Variants in NLGN1 observed in about 807,000 individuals in gnomAD.
NLGN1 encodes the protein neuroligin-1.
Under a neutral mutation model 65.5 loss-of-function variants are expected in NLGN1, and 12 were observed. The ratio of observed to expected loss-of-function variants is 0.18; its 90% CI spans 0.12 to 0.30. The LOEUF (loss-of-function observed/expected upper bound fraction) is 0.30, where lower values mean the gene tolerates loss of function less well. NLGN1 is among the 10% of genes least tolerant of loss of function. NLGN1 has a pLI of 1.00. For missense variants in NLGN1, 750 were observed against 1,007.1 expected (o/e 0.74, Z 3.46); for synonymous variants, 350 against 359.5 (o/e 0.97, Z 0.30).
At chr3:173,457,694 G>A (rs1301716931) in intron 2 of NLGN1, among the ~76,000 whole-genome samples, 1 of 152,116 alleles carries the variant, frequency 6.6e-6, no homozygotes, top group African/African-American at 2.4e-5. Flanking sequence ...AGAGATAATA[G>A]TGGCTTGGCC....
At chr3:174,125,326 T>C (rs1577003056) in intron 4 of NLGN1, among the ~76,000 whole-genome samples, 1 of 151,936 alleles carries the variant, frequency 6.6e-6, no homozygotes, top group South Asian at 2.1e-4. Context: ...AGATAAAAAG[T>C]TGAGGTTTGA....
intron 3 of NLGN1, among the ~76,000 whole-genome samples, chr3:173,717,245 T>C (rs1770014231): frequency 6.6e-6 from 1 of 152,218 alleles, no homozygotes; most frequent in South Asian, 2.1e-4. Flanking sequence ...AAAATGGTTG[T>C]GTTTTATTTA....
At chr3:173,616,738 A>G (rs898357624) in intron 3 of NLGN1, among the ~76,000 whole-genome samples, 1 of 152,084 alleles carries the variant, frequency 6.6e-6, no homozygotes, top group African/African-American at 2.4e-5. Flanking sequence ...TCTTGCCTCA[A>G]CCACTGTAAT....
At chr3:173,636,215 C>G (rs1756563588) in intron 3 of NLGN1, among the ~76,000 whole-genome samples, 1 of 151,966 alleles carries the variant, frequency 6.6e-6, no homozygotes, top group Non-Finnish European at 1.5e-5. Flanking sequence ...CCTCCTACCC[C>G]ACCGCTGCTG....
At chr3:174,198,844 C>T (rs200710954) in intron 4 of NLGN1, among the ~76,000 whole-genome samples, 247 of 99,728 alleles carry the variant, frequency 2.5e-3, no homozygotes, top group Middle Eastern at 8.5e-3. Flanking sequence ...TGACTAGATT[C>T]TTTTTTTTTT....
chr3:173,585,491 C>T (rs1007179461), intron 2 of NLGN1, among the ~76,000 whole-genome samples: 3 of 152,100 alleles, frequency 2.0e-5, no homozygotes, highest in Non-Finnish European at 4.4e-5. Flanking sequence ...CCACCCCTCT[C>T]TTCCTACCCC....
At chr3:174,192,847 T>C (rs1352705303) in intron 4 of NLGN1, among the ~76,000 whole-genome samples, 3 of 152,204 alleles carry the variant, frequency 2.0e-5, no homozygotes, top group Non-Finnish European at 4.4e-5. Context: ...CTGTCCACAC[T>C]GAACTGTTCA....
intron 4 of NLGN1, among the ~76,000 whole-genome samples, chr3:174,255,921 A>G (rs952639399): frequency 1.2e-4 from 18 of 152,210 alleles, no homozygotes; most frequent in African/African-American, 4.1e-4. Context: ...GCCCTCCCCA[A>G]GTGTTGAGAT....
At chr3:174,167,598 T>G (rs1473491854) in intron 4 of NLGN1, among the ~76,000 whole-genome samples, 2 of 150,642 alleles carry the variant, frequency 1.3e-5, no homozygotes, top group Non-Finnish European at 2.9e-5. Context: ...GCCCCCTTTT[T>G]TTTTTTTTTT....
At chr3:173,480,406 G>A (rs1727073473) in intron 2 of NLGN1, among the ~76,000 whole-genome samples, 1 of 151,890 alleles carries the variant, frequency 6.6e-6, no homozygotes, top group South Asian at 2.1e-4. Context: ...TCCTTCCCTA[G>A]TTTTAAAATA....
chr3:173,775,058 T>C (rs940741816), intron 3 of NLGN1, among the ~76,000 whole-genome samples: 3 of 152,160 alleles, frequency 2.0e-5, no homozygotes, highest in African/African-American at 7.2e-5. Context: ...GCAATTATAG[T>C]CAATAAAATA....
chr3:173,877,571 C>G (rs1732380155), intron 4 of NLGN1, among the ~76,000 whole-genome samples: 1 of 152,024 alleles, frequency 6.6e-6, no homozygotes, highest in African/African-American at 2.4e-5. Context: ...GCGCTAACTT[C>G]TTAGTTGTGA....
At position 174,279,090 on chromosome 3, in the gene NLGN1, T is replaced by A; in HGVS notation, c.1089T>A (p.Asp363Glu). Reference sequence around the variant, plus strand: ...CCTTTGGACCTGTGATTGATGGTGATGTAATACCAGACGACCCCCAGATAT... The same window carrying A: ...CCTTTGGACCTGTGATTGATGGTGAAGTAATACCAGACGACCCCCAGATAT... Residue 363 changes from aspartate to glutamate, a missense_variant, in exon 6 of 7, where the codon GAT becomes GAA. Coordinates refer to ENST00000457714, the Ensembl canonical transcript of NLGN1. The surrounding 1 kb of genome is among the most constrained non-coding windows in gnomAD (Gnocchi z 4.7). 1.2e-6 allele frequency: 2 copies of A among 1,613,388 alleles called. No homozygotes were observed. Among genetic ancestry groups the A allele is most frequent in the Non-Finnish European group, 1.7e-6 (2 of 1,179,546 alleles).
intron 4 of NLGN1, among the ~76,000 whole-genome samples, chr3:174,138,433 CTTT>C (rs58713208): frequency 7.5e-5 from 10 of 132,552 alleles, no homozygotes; most frequent in Non-Finnish European, 9.6e-5. Flanking sequence ...TTCTACTATT[CTTT>C]TTTTTTTTTT....
At chr3:173,669,968 T>A (rs1359231921) in intron 3 of NLGN1, among the ~76,000 whole-genome samples, 3 of 152,204 alleles carry the variant, frequency 2.0e-5, no homozygotes, top group African/African-American at 7.2e-5. Context: ...TACAGCATAA[T>A]TAAAACTTTG....
chr3:174,275,293 T>G (rs1426567463), intron 4 of NLGN1, 22 bp from the exon 5 acceptor site: 2 of 1,587,430 alleles, frequency 1.3e-6, no homozygotes, highest in Non-Finnish European at 1.7e-6. Flanking sequence ...CAAAACGTGT[T>G]TTCTAAATTT....
chr3:173,397,096 T>C (rs2148585740), upstream of NLGN1, among the ~76,000 whole-genome samples: 1 of 152,008 alleles, frequency 6.6e-6, no homozygotes, highest in Middle Eastern at 3.4e-3. Context: ...ATAAACTGGG[T>C]GGTTTTTTTT....
At chr3:173,638,176 G>T (rs911886031) in intron 3 of NLGN1, among the ~76,000 whole-genome samples, 44 of 151,696 alleles carry the variant, frequency 2.9e-4, no homozygotes, top group Admixed American at 1.8e-3. Context: ...ATAAATAGGG[G>T]AATGCATTTG....
chr3:174,257,806 G>A (rs761235179), intron 4 of NLGN1, among the ~76,000 whole-genome samples: 10 of 151,012 alleles, frequency 6.6e-5, no homozygotes, highest in South Asian at 4.2e-4. Context: ...AAATCAAAAC[G>A]CATGTGTGAT....
Sources: allele counts gnomAD v4.1 joint callset (sites outside exome capture counted in the v4.1 genomes callset), GRCh38; gene constraint gnomAD v4.1.1; non-coding constraint Gnocchi (gnomAD v3.1); transcripts MANE v1.5; gene names NCBI Gene and HGNC (gene_info 2026-07-23, HGNC 2026-07-21).